The following AOAH variants were observed in gnomAD, a reference collection of about 807,000 sequenced individuals.
The protein encoded by AOAH is acyloxyacyl hydrolase, also known as acyloxyacyl hydrolase (neutrophil).
A neutral mutation model predicts 92.2 loss-of-function variants in AOAH; 64 were observed. The observed-to-expected ratio is 0.69, with a 90% CI of 0.57 to 0.86. AOAH has a LOEUF of 0.86. AOAH is among the 40% of genes least tolerant of loss of function. The pLI, the probability that AOAH is intolerant of heterozygous loss-of-function variation, is 0.00. For missense variants in AOAH, 656 were observed against 694.6 expected, an observed-to-expected ratio of 0.94 and a Z score of 0.62; for synonymous variants, 263 against 254.5, an observed-to-expected ratio of 1.03 and a Z score of -0.32.
intron 4 of AOAH, among the ~76,000 whole-genome samples, chr7:36,649,586 C>T (rs1794443020): frequency 6.6e-6 from 1 of 152,212 alleles, no homozygotes; most frequent in Non-Finnish European, 1.5e-5. Flanking sequence ...CCTGAGAGCA[C>T]AGCAGGAGGG....
intron 3 of AOAH, among the ~76,000 whole-genome samples, chr7:36,664,965 G>A (rs997197661): frequency 2.0e-5 from 3 of 152,190 alleles, no homozygotes; most frequent in African/African-American, 4.8e-5. Context: ...CTCAGAGCAC[G>A]AAGTCGCTCA....
At chr7:36,663,732 A>G (rs1322895339) in intron 3 of AOAH, among the ~76,000 whole-genome samples, 1 of 152,172 alleles carries the variant, frequency 6.6e-6, no homozygotes, top group Non-Finnish European at 1.5e-5. Flanking sequence ...GGCTGCTTCC[A>G]GTCTTTGATG....
At chr7:36,669,519 A>G (rs1795783111) in intron 3 of AOAH, among the ~76,000 whole-genome samples, 1 of 151,738 alleles carries the variant, frequency 6.6e-6, no homozygotes. Flanking sequence ...AGTAGCTGAG[A>G]TTACAGGCAC....
intron 5 of AOAH, among the ~76,000 whole-genome samples, chr7:36,636,685 C>A (rs183538382): frequency 2.2e-3 from 340 of 152,314 alleles, no homozygotes; most frequent in African/African-American, 7.9e-3. Flanking sequence ...TTGCCTGTCA[C>A]TTAACATGTA....
chr7:36,584,330 G>C (rs889374571), intron 12 of AOAH, among the ~76,000 whole-genome samples: 1 of 152,182 alleles, frequency 6.6e-6, no homozygotes, highest in Non-Finnish European at 1.5e-5. Flanking sequence ...TCTGTGATCT[G>C]TATTTAAGCA....
chr7:36,570,777 G>A (rs577888231), intron 13 of AOAH, among the ~76,000 whole-genome samples: 3 of 152,236 alleles, frequency 2.0e-5, no homozygotes, highest in South Asian at 2.1e-4. Flanking sequence ...TGCCCACCAC[G>A]GTGGTTTTTC....
intron 6 of AOAH, among the ~76,000 whole-genome samples, chr7:36,630,037 T>C (rs1260031475): frequency 2.0e-5 from 3 of 151,956 alleles, no homozygotes; most frequent in Non-Finnish European, 2.9e-5. Flanking sequence ...GATGGCCAAA[T>C]ATGAAGATGA....
rs1796082823 is a variant in AOAH at position 36,673,909 on chromosome 7, A to G, written c.290+34T>C. On this transcript the variant is annotated intron_variant, in intron 3 of 20. Coordinates refer to ENST00000617537, the MANE Select transcript of AOAH (RefSeq NM_001637.4). ...TTCTTGTTCCTCCCATGTCCCAGCA[A>G]TGGAATCAGAGTTATGTGTCATGGC... 3.3e-6 allele frequency: 5 copies of G among 1,494,688 alleles called. No homozygotes were observed. In the East Asian group the frequency reaches 1.2e-4, roughly 35 times the overall value. 92.6% of individuals were successfully genotyped at this position (1,494,688 alleles called of 1,614,324 possible).
chr7:36,659,035 A>G, intron 4 of AOAH, 131 bp downstream of exon 4: 2 of 752,098 alleles, frequency 2.7e-6, no homozygotes, highest in Non-Finnish European at 4.7e-6. Context: ...TTGCGGGGTA[A>G]TTGAAAATGT....
intron 13 of AOAH, among the ~76,000 whole-genome samples, chr7:36,551,905 A>G (rs1219738725): frequency 1.3e-5 from 2 of 152,076 alleles, no homozygotes; most frequent in Non-Finnish European, 2.9e-5. Context: ...CATTATTATT[A>G]TTTTAATTTC....
At chr7:36,667,278 C>T (rs11766973) in intron 3 of AOAH, among the ~76,000 whole-genome samples, 27,430 of 152,136 alleles carry the variant, frequency 0.18, 2,851 homozygotes, top group Non-Finnish European at 0.24. Flanking sequence ...TCCATCTCAC[C>T]TGGGATGTGA....
intron 15 of AOAH, among the ~76,000 whole-genome samples, chr7:36,545,859 C>T (rs1318347475): frequency 6.6e-6 from 1 of 152,176 alleles, no homozygotes. Context: ...TATGATTGGA[C>T]GTTCTGAGGC....
chr7:36,635,682 AC>A (rs1793470638), intron 5 of AOAH, among the ~76,000 whole-genome samples: 1 of 152,126 alleles, frequency 6.6e-6, no homozygotes, highest in Non-Finnish European at 1.5e-5. Flanking sequence ...AAAGTTTAGT[AC>A]TAAGGAGGCC....
At chr7:36,608,136 G>T (rs936194182) in intron 11 of AOAH, among the ~76,000 whole-genome samples, 1 of 152,156 alleles carries the variant, frequency 6.6e-6, no homozygotes, top group African/African-American at 2.4e-5. Context: ...CTGCTGCCTC[G>T]GTCACTGCTC....
intron 2 of AOAH, among the ~76,000 whole-genome samples, chr7:36,682,840 A>G (rs1033666079): frequency 6.6e-6 from 1 of 152,144 alleles, no homozygotes; most frequent in Non-Finnish European, 1.5e-5. Context: ...TTCAAGAGAT[A>G]GGCAAAATAG....
intron 12 of AOAH, among the ~76,000 whole-genome samples, chr7:36,577,699 A>G (rs1222696364): frequency 1.3e-5 from 2 of 152,224 alleles, no homozygotes; most frequent in Admixed American, 6.5e-5. Flanking sequence ...TTAATGCAAC[A>G]AAATTTAGTT....
intron 4 of AOAH, among the ~76,000 whole-genome samples, chr7:36,638,279 T>G (rs1165076133): frequency 1.3e-5 from 2 of 152,170 alleles, no homozygotes; most frequent in Non-Finnish European, 2.9e-5. Flanking sequence ...TACGCTGATC[T>G]CCATAAGCAA....
intron 1 of AOAH, among the ~76,000 whole-genome samples, chr7:36,716,999 A>C (rs1197729266): frequency 1.3e-5 from 2 of 151,344 alleles, no homozygotes; most frequent in Non-Finnish European, 2.9e-5. Flanking sequence ...TAAATAAATA[A>C]ATAAATAAAT....
intron 19 of AOAH, among the ~76,000 whole-genome samples, 159 bp from the exon 20 acceptor site, chr7:36,522,274 C>T (rs926624755): frequency 3.9e-5 from 6 of 152,222 alleles, no homozygotes; most frequent in Admixed American, 3.9e-4. Flanking sequence ...GATTTCTGAA[C>T]AGAAATGATC....
Sources: allele counts gnomAD v4.1 joint callset (sites outside exome capture counted in the v4.1 genomes callset), GRCh38; gene constraint gnomAD v4.1.1; transcripts MANE v1.5; gene names NCBI Gene and HGNC (gene_info 2026-07-23, HGNC 2026-07-21).